OBSL1: variants seen among roughly 807,000 people sequenced by gnomAD.
OBSL1 encodes the protein obscurin like cytoskeletal adaptor 1, also known as obscurin-like protein 1.
Under a neutral mutation model 172.0 loss-of-function variants are expected in OBSL1, and 160 were observed. That is an observed-to-expected ratio of 0.93 (90% CI 0.82 to 1.06). OBSL1 has a LOEUF of 1.06. Among genes scored for constraint, OBSL1 ranks in the 50% least tolerant of loss-of-function variants. OBSL1 has a pLI of 0.00. For missense variants in OBSL1, 2,681 were observed against 2,715.4 expected (o/e 0.99, Z 0.28); for synonymous variants, 1,200 against 1,196.3 (o/e 1.00, Z -0.06).
rs772178805 is a variant in OBSL1 at position 219,568,161 on chromosome 2, G to A, written c.1176C>T (p.Gly392=). ...PCRKYEQIEE[G]TVRRLIIHRL... The stretch of plus-strand genomic sequence containing the variant: ...TGTGGATGATGAGGCGCCGGACAGT[G>A]CCCTCTTCGATCTGCTCGTACTTGC... Residue 392 remains glycine, a synonymous_variant, in exon 2 of 21, where the codon GGC becomes GGT. Coordinates refer to ENST00000404537, the MANE Select transcript of OBSL1 (RefSeq NM_015311.3). The surrounding 1 kb of genome is among the most constrained non-coding windows in gnomAD (Gnocchi z 4.1). 2.5e-6 allele frequency: 4 copies of A among 1,613,666 alleles called. No homozygotes were observed. Among genetic ancestry groups the A allele is most frequent in the Middle Eastern group, 3.3e-4 (2 of 6,084 alleles).
rs939853196 is a variant in OBSL1 at position 219,562,939 on chromosome 2, C to G, written c.2681-265G>C. On this transcript the variant is annotated intron_variant, in intron 7 of 20. Transcript: ENST00000404537. ...CTCGGCTGTAGAAACGCTCCACATT[C>G]TCTGGGTTGGGACAGGGACGGTATG... The G allele has an allele frequency of 5.8e-5, 32 of 549,398 alleles. No homozygotes were observed. The South Asian group carries it at 7.2e-4, about 12-fold the overall frequency. 34.0% of individuals were successfully genotyped at this position (549,398 alleles called of 1,614,324 possible). A position where few individuals can be genotyped will look rare whatever the true frequency, so the allele number is the denominator to read the frequency against.
chr2:219,561,472 T>G (rs866200426), intron 8 of OBSL1, among the ~76,000 whole-genome samples: 7 of 152,190 alleles, frequency 4.6e-5, no homozygotes, highest in African/African-American at 1.4e-4. Flanking sequence ...TCCTGTTGCC[T>G]GGCCAGGGTG....
At position 219,554,515 on chromosome 2, in the gene OBSL1, G is replaced by C. The variant is rs763782583; in HGVS notation, c.4835C>G (p.Thr1612Arg). Residue 1612 changes from threonine (T) to arginine (R), a missense_variant, in exon 15 of 21, where the codon ACA becomes AGA. Thr to Arg is a moderately conservative substitution (Grantham distance 71). This residue lies in a region of OBSL1 where 1,765 missense variants were observed against 1,748.3 expected (regional missense o/e 1.01). Coordinates refer to ENST00000404537, the MANE Select transcript of OBSL1 (RefSeq NM_015311.3). ...GLADSGCVSF[T>R]ADSLRCAARL... ...GGCTGCGCAGCGCAGGGAATCCGCT[G>C]TGAAGGAGACACAGCCTGAGTCGGC... 6.2e-7 allele frequency: 1 copy of C among 1,613,278 alleles called. No individual in the cohort carries two copies. The highest frequency in any genetic ancestry group is 8.5e-7 in the Non-Finnish European group (1 of 1,179,884).
chr2:219,557,118 T>C (rs1234740079), intron 12 of OBSL1: 5 of 506,196 alleles, frequency 9.9e-6, no homozygotes, highest in Non-Finnish European at 1.7e-5. Flanking sequence ...GGAACCTGGC[T>C]GGGTGGACTC....
chr2:219,560,540 G>C (rs1265213243), intron 8 of OBSL1, among the ~76,000 whole-genome samples: 1 of 149,968 alleles, frequency 6.7e-6, no homozygotes, highest in African/African-American at 2.4e-5. Flanking sequence ...GGCGACTACT[G>C]CTCCATTAGC....
At chr2:219,569,144 G>A (rs1011512452) in intron 1 of OBSL1, 1 of 152,072 alleles carries the variant, frequency 6.6e-6, no homozygotes, top group African/African-American at 2.4e-5. Context: ...GGCTGCTGGA[G>A]AAGCAAGTTT....
rs1284060447 is a variant in OBSL1 at position 219,567,316 on chromosome 2, A to G, written c.1794T>C (p.His598=). The change falls in exon 4 of 21, where the codon CAT becomes CAC. Residue 598 remains histidine, a synonymous_variant. Transcript: ENST00000404537. The part of the protein sequence containing the change: ...YRFRICTVSG[H]GRSPHVVFHG... ...GGAACACCACGTGGGGACTACGGCC[A>G]TGTCCGCTGACTGTGCAGATGCGGA... 8.1e-6 allele frequency: 13 copies of G among 1,605,690 alleles called. No homozygotes were observed. In the South Asian group the frequency reaches 1.1e-4, roughly 14 times the overall value.
rs763153675 is a variant in OBSL1, at chr2:219,570,625, T to G, written c.608A>C (p.Asp203Ala). Residue 203 changes from aspartate to alanine, a missense_variant, in exon 1 of 21, where the codon GAT becomes GCT. Physicochemically the swap from Asp to Ala is moderately radical, Grantham distance 126. Transcript: ENST00000404537. ...GGCGTGGCACACGTAGACGCCGGAA[T>G]CCGGCAGCCGAGCCGCCAGGATGCG... ...ALRILAARLP[D>A]SGVYVCHARN... 1.3e-6 allele frequency: 2 copies of G among 1,512,200 alleles called. No homozygotes were observed. Among genetic ancestry groups the G allele is most frequent in the East Asian group, 5.4e-5 (2 of 37,324 alleles). 93.7% of individuals were successfully genotyped at this position (1,512,200 alleles called of 1,614,324 possible).
intron 8 of OBSL1, among the ~76,000 whole-genome samples, chr2:219,561,519 A>G (rs1696465428): frequency 6.6e-6 from 1 of 152,092 alleles, no homozygotes; most frequent in African/African-American, 2.4e-5. Flanking sequence ...ACTGGCCCTC[A>G]ACAACCCATG....
chr2:219,566,708 A>T, intron 5 of OBSL1, 122 bp downstream of exon 5: 1 of 1,153,982 alleles, frequency 8.7e-7, no homozygotes, highest in Non-Finnish European at 1.2e-6. Context: ...TCAGCCCATC[A>T]TGGATGCTCC....
intron 1 of OBSL1, chr2:219,569,075 C>CAAAAAAAAAA: frequency 7.0e-6 from 1 of 142,204 alleles, no homozygotes; most frequent in East Asian, 2.0e-4. Flanking sequence ...AAGTGTATTT[C>CAAAAAAAAAA]AAAAAAAAAA....
chr2:219,566,873 G>A lies in OBSL1; in HGVS notation c.2091C>T (p.Phe697=), dbSNP rs770227285. ...CTGAGTCCTGCACGCCGGGGCAGCT[G>A]AAGCCGACCAGGGCACCGCTGTCCT... is the stretch of plus-strand genomic sequence containing the variant. ...KHQDSGALVG[F]SCPGVQDSAA... is the part of the protein sequence containing the mutation. Residue 697 remains phenylalanine, a synonymous_variant, in exon 5 of 21, where the codon TTC becomes TTT. Coordinates refer to ENST00000404537, the MANE Select transcript of OBSL1 (RefSeq NM_015311.3). The A allele has an allele frequency of 1.2e-6, 2 of 1,600,164 alleles. No homozygotes were observed. The highest frequency in any genetic ancestry group is 2.2e-5 in the East Asian group (1 of 44,504).
downstream of OBSL1, chr2:219,547,812 T>C: frequency 6.3e-7 from 1 of 1,591,754 alleles, no homozygotes; most frequent in Non-Finnish European, 8.5e-7. Flanking sequence ...GGGGGCGGCC[T>C]GCTCTGTGCC....
In OBSL1 at chr2:219,553,011, A is replaced by G. The variant is rs774991932; in HGVS notation, c.5003T>C (p.Leu1668Pro). The change falls in exon 17 of 21, where the codon CTT (leucine) becomes CCT (proline). Residue 1668 changes from leucine to proline, a missense_variant. Around this residue, in one of 5 missense-constraint regions of OBSL1, gnomAD observed 1,765 missense variants for 1,748.3 expected, o/e 1.01. Coordinates refer to ENST00000404537, the MANE Select transcript of OBSL1 (RefSeq NM_015311.3). ...GAGCCGGAGCCGCGGGCTAGGCGTAAGCGCGTTCCCGTCCTAGGGGCGGGA... is the reference window on the plus strand; with the variant it reads ...GAGCCGGAGCCGCGGGCTAGGCGTAGGCGCGTTCCCGTCCTAGGGGCGGGA... ...DVTWEKDGNA[L>P]TPSPRLRLQA... The G allele has an allele frequency of 4.0e-6, 6 of 1,515,692 alleles. No homozygotes were observed. The South Asian group carries it at 7.4e-5, about 19-fold the overall frequency. The allele number at this position is 1,515,692 out of a possible 1,614,324, so 93.9% of individuals were successfully genotyped here.
chr2:219,552,858 C>T lies in OBSL1; in HGVS notation c.5146+10G>A. 6 of 1,543,506 alleles carry T rather than the reference C, an allele frequency of 3.9e-6. No homozygotes were observed. ...AGCAGTGCCCAGCCTCCACATCACC[C>T]CGTACCCACCGCGCACGGTCAGGCG... On this transcript the variant is annotated intron_variant, in intron 17 of 20. Transcript: ENST00000404537.
Position 219,565,370 on chromosome 2 carries a change from T to C in OBSL1, c.2279A>G (p.Glu760Gly). The change falls in exon 6 of 21, where the codon GAG (glutamate) becomes GGG (glycine). Residue 760 changes from glutamate (E) to glycine (G), a missense_variant. This residue lies in a region of OBSL1 where 1,765 missense variants were observed against 1,748.3 expected (regional missense o/e 1.01). Transcript: ENST00000404537. ...YKDGQKVEESELLVVKMDGRK... is the reference protein window; with the variant it reads ...YKDGQKVEESGLLVVKMDGRK... ...CCCATCCATCTTCACCACCAGCAAC[T>C]CGCTCTCCTCCACCTTCTGCCCATC... 3 of 1,614,014 alleles carry C rather than the reference T, an allele frequency of 1.9e-6. No homozygotes were observed. Among genetic ancestry groups the C allele is most frequent in the Non-Finnish European group, 2.5e-6 (3 of 1,179,894 alleles).
Position 219,571,514 on chromosome 2 carries a change from T to G in OBSL1, c.-282A>C. 4.1e-6 allele frequency: 1 copy of G among 245,750 alleles called. No homozygotes were observed. The allele number at this position is 245,750 out of a possible 1,614,324, so 15.2% of individuals were successfully genotyped here. A position where few individuals can be genotyped will look rare whatever the true frequency, so the allele number is the denominator to read the frequency against. ...CAGCGAGTGGCCCCGCAGCCTCCCC[T>G]GCCCGCTGCCTGGCTTCCTGCTCTT... On this transcript the variant is annotated 5_prime_UTR_variant, in exon 1 of 21. Coordinates refer to ENST00000404537, the MANE Select transcript of OBSL1 (RefSeq NM_015311.3).
rs1267702779 is a variant in OBSL1, at chr2:219,570,655, G to A, written c.578C>T (p.Ala193Val). The change falls in exon 1 of 21, where the codon GCA becomes GTA. Residue 193 changes from alanine to valine, a missense_variant. By Grantham distance (64) the Ala-to-Val change is moderately conservative. Transcript: ENST00000404537. Reference sequence around the variant, plus strand: ...CAGCCGAGCCGCCAGGATGCGCAGTGCCAGGCTCGCGCCGGGGCCGTCCTC... The same window carrying A: ...CAGCCGAGCCGCCAGGATGCGCAGTACCAGGCTCGCGCCGGGGCCGTCCTC... ...RAEDGPGASL[A>V]LRILAARLPD... 9 of 1,507,690 alleles carry A rather than the reference G, an allele frequency of 6.0e-6. No individual in the cohort carries two copies. Among genetic ancestry groups the A allele is most frequent in the African/African-American group, 2.9e-5 (2 of 68,748 alleles). The allele number at this position is 1,507,690 out of a possible 1,614,324, so 93.4% of individuals were successfully genotyped here. A position where few individuals can be genotyped will look rare whatever the true frequency, so the allele number is the denominator to read the frequency against.
Position 219,556,176 on chromosome 2 carries a change from G to A in OBSL1, c.4453C>T (p.Arg1485Ter), listed in dbSNP as rs568750433. ...TCGTGGGGCAGGGGCTGCCCACCTCGCACCCAGCGCACGGCCCCCGCTGCA... is the reference window on the plus strand; with the variant it reads ...TCGTGGGGCAGGGGCTGCCCACCTCACACCCAGCGCACGGCCCCCGCTGCA... ...VGAAGAVRWV[R>*]GGQPLPHDSR... Residue 1485 changes from arginine (R) to a stop codon, truncating the protein, a stop_gained, in exon 14 of 21, where the codon CGA (arginine) becomes TGA (stop). Coordinates refer to ENST00000404537, the MANE Select transcript of OBSL1 (RefSeq NM_015311.3). LOFTEE classifies it high-confidence loss of function. 2.2e-5 allele frequency: 36 copies of A among 1,612,830 alleles called. 1 individual carries two copies. Among genetic ancestry groups the A allele is most frequent in the African/African-American group, 2.7e-5 (2 of 75,034 alleles).
Sources: allele counts gnomAD v4.1 joint callset (sites outside exome capture counted in the v4.1 genomes callset), GRCh38; gene constraint gnomAD v4.1.1; regional missense constraint gnomAD v4.1.1; non-coding constraint Gnocchi (gnomAD v3.1); transcripts MANE v1.5; gene names NCBI Gene and HGNC (gene_info 2026-07-23, HGNC 2026-07-21).